The following PARD3 variants were observed in gnomAD, a reference collection of about 807,000 sequenced individuals.
PARD3 encodes par-3 family cell polarity regulator, also known as partitioning defective 3 homolog.
Under a neutral mutation model 155.4 loss-of-function variants are expected in PARD3, and 75 were observed. The observed-to-expected ratio is 0.48, with a 90% CI of 0.40 to 0.58. PARD3 has a LOEUF of 0.58. PARD3 is among the 20% of genes least tolerant of loss of function. The pLI is 0.00. For synonymous variants in PARD3, 576 were observed against 610.5 expected, an observed-to-expected ratio of 0.94 and a Z score of 0.83; for missense variants, 1,642 against 1,721.7, an observed-to-expected ratio of 0.95 and a Z score of 0.82.
intron 1 of PARD3, among the ~76,000 whole-genome samples, chr10:34,783,810 A>AT (rs943431950): frequency 1.1e-4 from 17 of 151,204 alleles, no homozygotes; most frequent in Admixed American, 2.6e-4. Flanking sequence ...CACTTAGTGC[A>AT]TTTTTTTTTC....
intron 1 of PARD3, among the ~76,000 whole-genome samples, chr10:34,713,579 G>A: frequency 6.6e-6 from 1 of 152,042 alleles, no homozygotes; most frequent in Admixed American, 6.6e-5. Context: ...GGGCAACACA[G>A]CAAAATCTCA....
At chr10:34,734,989 A>G (rs1342494789) in intron 1 of PARD3, among the ~76,000 whole-genome samples, 25 of 77,242 alleles carry the variant, frequency 3.2e-4, no homozygotes, top group South Asian at 1.4e-3. Flanking sequence ...GCTTATGGGA[A>G]AAAAAAAAAA....
intron 3 of PARD3, among the ~76,000 whole-genome samples, chr10:34,483,745 T>C (rs1030398744): frequency 2.0e-5 from 3 of 152,194 alleles, no homozygotes; most frequent in African/African-American, 7.2e-5. Context: ...TTTTGCACAA[T>C]AGTTATGTTA....
intron 2 of PARD3, among the ~76,000 whole-genome samples, chr10:34,622,812 T>G (rs2132724791): frequency 1.3e-5 from 2 of 151,052 alleles, no homozygotes; most frequent in Middle Eastern, 6.8e-3. Context: ...TTGCCTGAGT[T>G]GGTTTTCTTT....
At chr10:34,744,659 G>A (rs1188989668) in intron 1 of PARD3, among the ~76,000 whole-genome samples, 1 of 152,232 alleles carries the variant, frequency 6.6e-6, no homozygotes, top group Non-Finnish European at 1.5e-5. Context: ...CTGGAACAGA[G>A]GTGAGACTAC....
intron 1 of PARD3, among the ~76,000 whole-genome samples, chr10:34,811,777 C>T (rs1261521742): frequency 6.6e-6 from 1 of 152,180 alleles, no homozygotes; most frequent in East Asian, 1.9e-4. Flanking sequence ...CCACACAGCG[C>T]TGCAGCTCAG....
intron 22 of PARD3, among the ~76,000 whole-genome samples, chr10:34,265,127 T>G (rs1955234415): frequency 1.3e-5 from 2 of 152,194 alleles, no homozygotes; most frequent in African/African-American, 4.8e-5. Flanking sequence ...CTCTTTAGCA[T>G]CAATCCAAGG....
chr10:34,735,432 T>C (rs932505217), intron 1 of PARD3, among the ~76,000 whole-genome samples: 2 of 152,296 alleles, frequency 1.3e-5, no homozygotes, highest in African/African-American at 2.4e-5. Flanking sequence ...TAGCTGCAAA[T>C]TGAAATTCTG....
intron 22 of PARD3, among the ~76,000 whole-genome samples, chr10:34,261,781 A>AAAAGAAAGAAAGAAAGAAAGAAAGAAAG (rs1158080569): frequency 1.6e-3 from 212 of 132,004 alleles, no homozygotes; most frequent in Middle Eastern, 3.6e-3. Flanking sequence ...AGAAAGAAAG[A>AAAAGAAAGAAAGAAAGAAAGAAAGAAAG]AAAGAAAGAA....
At chr10:34,164,161 CAACT>C (rs1472180882) in intron 22 of PARD3, among the ~76,000 whole-genome samples, 1 of 152,000 alleles carries the variant, frequency 6.6e-6, no homozygotes, top group Non-Finnish European at 1.5e-5. Context: ...AAAGAGCCAC[CAACT>C]AAGGAAGAAA....
chr10:34,146,479 T>C (rs1017648873), intron 22 of PARD3, among the ~76,000 whole-genome samples: 1 of 152,182 alleles, frequency 6.6e-6, no homozygotes, highest in African/African-American at 2.4e-5. Flanking sequence ...TCTACAAAGC[T>C]CCAAATACAA....
Position 34,762,140 on chromosome 10 carries a change from C to T in PARD3, c.120+52736G>A, listed in dbSNP as rs559856683. Among the ~76,000 whole-genome samples, 6 of 152,108 alleles carry T rather than the reference C, an allele frequency of 3.9e-5. 1 individual carries two copies. The South Asian group carries it at 1.2e-3, about 32-fold the overall frequency. ...TGCTGTTTCCAAACCTGAAAGTCAC[C>T]CAGGTCACTCCTACAATAGGTTCAG... On this transcript the variant is annotated intron_variant, in intron 1 of 24. Transcript: ENST00000374788.
intron 1 of PARD3, among the ~76,000 whole-genome samples, chr10:34,782,133 G>T (rs1257494724): frequency 6.6e-6 from 1 of 152,058 alleles, no homozygotes; most frequent in Non-Finnish European, 1.5e-5. Context: ...CATCCTAACT[G>T]GCTTCTAGAC....
intron 5 of PARD3, among the ~76,000 whole-genome samples, chr10:34,403,526 C>G (rs1390871803): frequency 1.3e-5 from 2 of 152,046 alleles, no homozygotes; most frequent in Non-Finnish European, 2.9e-5. Flanking sequence ...GCAGTAAGGC[C>G]CAACTGACAT....
intron 4 of PARD3, among the ~76,000 whole-genome samples, chr10:34,453,565 A>T (rs972961460): frequency 6.6e-6 from 1 of 152,212 alleles, no homozygotes; most frequent in Non-Finnish European, 1.5e-5. Context: ...GTTGTTTTAA[A>T]AATTGTTTAG....
At chr10:34,135,768 C>T (rs1461346508) in intron 22 of PARD3, among the ~76,000 whole-genome samples, 1 of 152,138 alleles carries the variant, frequency 6.6e-6, no homozygotes, top group Non-Finnish European at 1.5e-5. Context: ...TATATGAGAA[C>T]CATTCAAAGA....
At chr10:34,759,656 T>C (rs1837191869) in intron 1 of PARD3, among the ~76,000 whole-genome samples, 1 of 152,192 alleles carries the variant, frequency 6.6e-6, no homozygotes, top group African/African-American at 2.4e-5. Context: ...CAACAGCACA[T>C]CGCCTAAGGC....
At chr10:34,724,213 T>C (rs1046496628) in intron 1 of PARD3, among the ~76,000 whole-genome samples, 5 of 152,194 alleles carry the variant, frequency 3.3e-5, no homozygotes, top group African/African-American at 9.7e-5. Flanking sequence ...TAATTATTTA[T>C]CTCTCAGGGT....
chr10:34,236,593 T>G (rs1953248471), intron 22 of PARD3, among the ~76,000 whole-genome samples: 1 of 152,194 alleles, frequency 6.6e-6, no homozygotes, highest in African/African-American at 2.4e-5. Flanking sequence ...ATGGAAAAAT[T>G]GTCTTGCAAC....
Sources: allele counts gnomAD v4.1 joint callset (sites outside exome capture counted in the v4.1 genomes callset), GRCh38; gene constraint gnomAD v4.1.1; transcripts MANE v1.5; gene names NCBI Gene and HGNC (gene_info 2026-07-23, HGNC 2026-07-21).